Variants in ROR2 observed in about 807,000 individuals in gnomAD.
ROR2 encodes tyrosine-protein kinase transmembrane receptor ROR2.
Under a neutral mutation model 74.9 loss-of-function variants are expected in ROR2, and 33 were observed. The observed-to-expected ratio is 0.44, with a 90% CI of 0.33 to 0.59. The LOEUF is 0.59. ROR2 is among the 20% of genes least tolerant of loss of function. The probability of loss-of-function intolerance (pLI) is 0.02; values close to 1 mark genes in which losing one functional copy is unlikely to be tolerated. For missense variants in ROR2, 1,216 were observed against 1,313.8 expected (o/e 0.93, Z 1.15); for synonymous variants, 586 against 558.7 (o/e 1.05, Z -0.69).
intron 1 of ROR2, among the ~76,000 whole-genome samples, chr9:91,899,649 G>T (rs999457218): frequency 6.6e-6 from 1 of 152,048 alleles, no homozygotes. Flanking sequence ...GGGGAGGAGG[G>T]GGCAGCTGGG....
chr9:91,744,138 T>C (rs1279135020), intron 4 of ROR2, among the ~76,000 whole-genome samples: 1 of 151,846 alleles, frequency 6.6e-6, no homozygotes, highest in Non-Finnish European at 1.5e-5. Flanking sequence ...TTTTTATCTG[T>C]TGCATTCATT....
intron 2 of ROR2, among the ~76,000 whole-genome samples, chr9:91,770,194 C>G (rs1368106958): frequency 6.6e-6 from 1 of 152,206 alleles, no homozygotes; most frequent in Non-Finnish European, 1.5e-5. Flanking sequence ...GCACCACGCT[C>G]CCCTGTGCAT....
At chr9:91,858,712 A>C (rs938425460) in intron 1 of ROR2, among the ~76,000 whole-genome samples, 1 of 152,176 alleles carries the variant, frequency 6.6e-6, no homozygotes, top group Non-Finnish European at 1.5e-5. Flanking sequence ...AGGCAGTAAT[A>C]ATAACAATAG....
At chr9:91,904,644 A>C (rs1830764903) in intron 1 of ROR2, among the ~76,000 whole-genome samples, 1 of 152,134 alleles carries the variant, frequency 6.6e-6, no homozygotes, top group Admixed American at 6.5e-5. Flanking sequence ...GAGGGCACCC[A>C]GTGGCAGGCA....
intron 1 of ROR2, among the ~76,000 whole-genome samples, chr9:91,812,503 C>T (rs576431059): frequency 6.6e-6 from 1 of 151,818 alleles, no homozygotes; most frequent in Non-Finnish European, 1.5e-5. Flanking sequence ...CAACATAAGG[C>T]GGGATCAGCA....
intron 1 of ROR2, among the ~76,000 whole-genome samples, chr9:91,829,657 T>C (rs1828400896): frequency 6.6e-6 from 1 of 150,820 alleles, no homozygotes; most frequent in Non-Finnish European, 1.5e-5. Context: ...AAGAAAGTTG[T>C]AAATAACTAG....
intron 2 of ROR2, among the ~76,000 whole-genome samples, chr9:91,766,931 A>G (rs1238910989): frequency 6.6e-6 from 1 of 152,212 alleles, no homozygotes; most frequent in Non-Finnish European, 1.5e-5. Context: ...GTACAGGCTC[A>G]TCTCCCCAGT....
intron 1 of ROR2, among the ~76,000 whole-genome samples, chr9:91,935,481 A>G (rs1456968779): frequency 2.6e-5 from 4 of 152,168 alleles, no homozygotes; most frequent in Non-Finnish European, 5.9e-5. Flanking sequence ...AGGGGCATCC[A>G]CTTTGCCTCC....
rs568705429 is a variant in ROR2 at position 91,780,400 on chromosome 9, A to G, written c.98-4582T>C. On this transcript the variant is annotated intron_variant, in intron 1 of 8. Transcript: ENST00000375708. ...TAAAAAAAAAATGAAAGAAAGAAAG[A>G]AAGAAATTATATAACCATCAAACAA... Among the ~76,000 whole-genome samples the G allele has an allele frequency of 1.2e-4, 19 of 152,008 alleles. No homozygotes were observed. In the East Asian group the frequency reaches 3.5e-3, roughly 28 times the overall value.
intron 2 of ROR2, among the ~76,000 whole-genome samples, chr9:91,770,284 A>C (rs533354036): frequency 4.6e-5 from 7 of 152,348 alleles, no homozygotes; most frequent in Non-Finnish European, 2.9e-5. Flanking sequence ...TATGTTCTCA[A>C]GATGAAAAGA....
At chr9:91,779,462 C>G (rs1826540383) in intron 1 of ROR2, among the ~76,000 whole-genome samples, 1 of 151,584 alleles carries the variant, frequency 6.6e-6, no homozygotes, top group Non-Finnish European at 1.5e-5. Flanking sequence ...CCTCTGCCTC[C>G]CGGGTCCAAG....
chr9:91,853,019 G>A (rs1006750096), intron 1 of ROR2, among the ~76,000 whole-genome samples: 1 of 152,248 alleles, frequency 6.6e-6, no homozygotes, highest in Admixed American at 6.5e-5. Flanking sequence ...GGTTGTGGGC[G>A]GGGGTGAGGG....
chr9:91,781,073 C>A (rs1304676028), intron 1 of ROR2, among the ~76,000 whole-genome samples: 1 of 152,232 alleles, frequency 6.6e-6, no homozygotes, highest in Non-Finnish European at 1.5e-5. Flanking sequence ...CAATTAGATG[C>A]AGTCTTCAGG....
intron 1 of ROR2, among the ~76,000 whole-genome samples, chr9:91,788,771 G>A (rs554954199): frequency 2.0e-5 from 3 of 151,740 alleles, no homozygotes; most frequent in Non-Finnish European, 4.4e-5. Flanking sequence ...AGGCTGAGGT[G>A]GAGAATCGCT....
chr9:91,732,811 A>C (rs970858117), intron 6 of ROR2, among the ~76,000 whole-genome samples: 5 of 152,026 alleles, frequency 3.3e-5, no homozygotes, highest in Non-Finnish European at 7.4e-5. Context: ...AAGTGAGATC[A>C]CTCCCATTTC....
chr9:91,867,436 C>T (rs536137811), intron 1 of ROR2, among the ~76,000 whole-genome samples: 1 of 152,236 alleles, frequency 6.6e-6, no homozygotes, highest in Non-Finnish European at 1.5e-5. Flanking sequence ...AACTCCATTG[C>T]TGTTTTTTCT....
At chr9:91,849,040 T>C (rs983427062) in intron 1 of ROR2, among the ~76,000 whole-genome samples, 43 of 152,090 alleles carry the variant, frequency 2.8e-4, no homozygotes, top group African/African-American at 7.0e-4. Flanking sequence ...GCGACCACCC[T>C]CCATCATCCC....
intron 1 of ROR2, among the ~76,000 whole-genome samples, chr9:91,906,961 A>G (rs979702094): frequency 1.3e-5 from 2 of 152,186 alleles, no homozygotes; most frequent in African/African-American, 2.4e-5. Flanking sequence ...CGGTGGGAAC[A>G]TTCACTGTGT....
chr9:91,906,363 T>C (rs1242952682), intron 1 of ROR2, among the ~76,000 whole-genome samples: 1 of 152,144 alleles, frequency 6.6e-6, no homozygotes, highest in Non-Finnish European at 1.5e-5. Context: ...CTGAGGAAAG[T>C]CTGCGCATTT....
Sources: allele counts gnomAD v4.1 joint callset (sites outside exome capture counted in the v4.1 genomes callset), GRCh38; gene constraint gnomAD v4.1.1; transcripts MANE v1.5; gene names NCBI Gene and HGNC (gene_info 2026-07-23, HGNC 2026-07-21).